The following ACSM2B variants were observed in gnomAD, a reference collection of about 807,000 sequenced individuals.
The protein encoded by ACSM2B is acyl-coenzyme A synthetase ACSM2B, mitochondrial.
ACSM2B carries 58 observed loss-of-function variants against 78.6 expected under a neutral mutation model. The ratio of observed to expected loss-of-function variants is 0.74; its 90% CI spans 0.60 to 0.92. The LOEUF is 0.92. ACSM2B is among the 40% of genes least tolerant of loss of function. ACSM2B has a pLI of 0.00. For synonymous variants in ACSM2B, 257 were observed against 256.8 expected, an observed-to-expected ratio of 1.00 and a Z score of -0.01; for missense variants, 688 against 711.2, an observed-to-expected ratio of 0.97 and a Z score of 0.37.
In ACSM2B at chr16:20,545,273, A is replaced by G; in HGVS notation, c.1180-15T>C. Reference sequence around the variant, plus strand: ...TCATCTATAACCTGGAGAAAGAAGCATATTGGAAGAATGACGCACACAGCA... The same window carrying G: ...TCATCTATAACCTGGAGAAAGAAGCGTATTGGAAGAATGACGCACACAGCA... On this transcript the variant is annotated splice_polypyrimidine_tract_variant and intron_variant, in intron 9 of 13. Coordinates refer to ENST00000329697, the MANE Select transcript of ACSM2B (RefSeq NM_001105069.2). The G allele has an allele frequency of 1.2e-6, 2 of 1,611,016 alleles. No homozygotes were observed. The highest frequency in any genetic ancestry group is 1.7e-6 in the Non-Finnish European group (2 of 1,177,924).
chr16:20,559,135 C>G, intron 3 of ACSM2B, 102 bp downstream of exon 3: 1 of 1,484,544 alleles, frequency 6.7e-7, no homozygotes, highest in Non-Finnish European at 9.0e-7. Context: ...GGACAGCATG[C>G]TCCAAGGCAG....
rs773369239 is a variant in ACSM2B, at chr16:20,548,193, A to C, written c.975-8T>G. On this transcript the variant is annotated splice_region_variant and splice_polypyrimidine_tract_variant and intron_variant, in intron 7 of 13. Transcript: ENST00000329697. ...AGATGGGGGAACTTGTAACTGAAGA[A>C]GAGAAATAAATGTTTGCCCTCAGCC... The C allele has an allele frequency of 6.8e-6, 11 of 1,614,060 alleles. No individual in the cohort carries two copies. Among genetic ancestry groups the C allele is most frequent in the South Asian group, 6.6e-5 (6 of 91,084 alleles).
intron 2 of ACSM2B, among the ~76,000 whole-genome samples, chr16:20,561,786 C>T (rs1596728456): frequency 6.6e-6 from 1 of 151,616 alleles, no homozygotes. Flanking sequence ...CATATGTATA[C>T]ATGTGCCATG....
intron 2 of ACSM2B, among the ~76,000 whole-genome samples, chr16:20,564,204 C>T (rs527806205): frequency 2.8e-4 from 42 of 152,056 alleles, no homozygotes; most frequent in Admixed American, 1.4e-3. Context: ...AGCAATCTTG[C>T]CACCTCAATC....
rs1567218323 is a variant in ACSM2B, at chr16:20,566,691, A to AG, written c.-8-1839_-8-1838insC. On this transcript the variant is annotated intron_variant, in intron 1 of 13. Transcript: ENST00000329697. ...ATAGTATATACATATAGTATATACT[A>AG]TATATAGTATATATATAGTATATAT... Among the ~76,000 whole-genome samples the AG allele has an allele frequency of 5.9e-3, 22 of 3,732 alleles. 1 individual carries two copies. Among genetic ancestry groups the AG allele is most frequent in the African/African-American group, 0.014 (22 of 1,572 alleles). 2.4% of individuals were successfully genotyped at this position (3,732 alleles called of 152,430 possible). A position where few individuals can be genotyped will look rare whatever the true frequency, so the allele number is the denominator to read the frequency against.
At chr16:20,537,828 C>T (rs1050189848) in intron 13 of ACSM2B, among the ~76,000 whole-genome samples, 1 of 152,172 alleles carries the variant, frequency 6.6e-6, no homozygotes, top group Non-Finnish European at 1.5e-5. Flanking sequence ...AAAATAATAG[C>T]TGTGGTTATT....
intron 9 of ACSM2B, 95 bp downstream of exon 9, chr16:20,546,299 T>C: frequency 1.3e-6 from 2 of 1,494,368 alleles, no homozygotes; most frequent in South Asian, 3.0e-5. Flanking sequence ...ATCAGTACTT[T>C]CTATTATTTT....
chr16:20,555,530 G>C, intron 3 of ACSM2B, 54 bp from the exon 4 acceptor site: 2 of 1,605,418 alleles, frequency 1.2e-6, no homozygotes, highest in South Asian at 2.2e-5. Context: ...TTTGTCCCTA[G>C]AGAAGCCTGA....
intron 2 of ACSM2B, among the ~76,000 whole-genome samples, chr16:20,561,285 T>C (rs1567215224): frequency 6.6e-6 from 1 of 151,608 alleles, no homozygotes; most frequent in East Asian, 1.9e-4. Context: ...AAGAAAAAAG[T>C]TTAATTGGCT....
intron 6 of ACSM2B, 35 bp from the exon 7 acceptor site, chr16:20,548,508 C>T (rs527652870): frequency 3.7e-6 from 6 of 1,613,226 alleles, no homozygotes; most frequent in Non-Finnish European, 5.1e-6. Flanking sequence ...CATTGGTCAC[C>T]AGGTCAAATG....
rs192711647 is a variant in ACSM2B, at chr16:20,552,351, C to T, written c.741-54G>A. On this transcript the variant is annotated intron_variant, in intron 5 of 13. Transcript: ENST00000329697. Reference sequence around the variant, plus strand: ...TATAGGTGGGTGCATGCTTAGGATGCGTGGGACACTAAGGTGTAGGGGAGG... The same window carrying T: ...TATAGGTGGGTGCATGCTTAGGATGTGTGGGACACTAAGGTGTAGGGGAGG... The T allele has an allele frequency of 3.5e-4, 548 of 1,565,388 alleles. 2 individuals are homozygous for T. In the African/African-American group the frequency reaches 6.4e-3, roughly 18 times the overall value.
intron 12 of ACSM2B, chr16:20,541,987 T>A (rs1170024717): frequency 1.3e-5 from 2 of 152,234 alleles, no homozygotes; most frequent in Non-Finnish European, 2.9e-5. Flanking sequence ...TCATAATATT[T>A]GTACATATGT....
Position 20,548,203 on chromosome 16 carries a change from A to G in ACSM2B, c.975-18T>C, listed in dbSNP as rs774605190. On this transcript the variant is annotated intron_variant, in intron 7 of 13. Transcript: ENST00000329697. ...ACTTGTAACTGAAGAAGAGAAATAA[A>G]TGTTTGCCCTCAGCCTCCCTGGAAC... The G allele has an allele frequency of 9.3e-6, 15 of 1,613,912 alleles. No individual in the cohort carries two copies. Among genetic ancestry groups the G allele is most frequent in the East Asian group, 2.2e-5 (1 of 44,876 alleles).
At chr16:20,552,055 T>C (rs1052170153) in intron 6 of ACSM2B, 89 bp downstream of exon 6, 1 of 1,521,084 alleles carries the variant, frequency 6.6e-7, no homozygotes, top group African/African-American at 1.4e-5. Flanking sequence ...TAGCAAAAAT[T>C]AGATGAATTG....
At chr16:20,544,700 A>G (rs2015086149) in intron 10 of ACSM2B, 1 of 985,482 alleles carries the variant, frequency 1.0e-6, no homozygotes, top group African/African-American at 1.7e-5. Context: ...TTCAAGGATT[A>G]TCTGTCTTTA....
intron 10 of ACSM2B, chr16:20,544,494 C>T (rs1453430594): frequency 3.7e-6 from 3 of 813,252 alleles, no homozygotes; most frequent in Non-Finnish European, 4.5e-6. Context: ...ATGCTTGCCT[C>T]ATGGTATGCA....
intron 3 of ACSM2B, among the ~76,000 whole-genome samples, chr16:20,558,007 C>T (rs542736827): frequency 3.9e-5 from 6 of 152,210 alleles, no homozygotes; most frequent in Admixed American, 2.0e-4. Context: ...TAACTGTGTC[C>T]GTGCTTGGAG....
At chr16:20,562,183 T>A (rs1366856211) in intron 2 of ACSM2B, among the ~76,000 whole-genome samples, 1 of 152,076 alleles carries the variant, frequency 6.6e-6, no homozygotes, top group Non-Finnish European at 1.5e-5. Context: ...TTTAATTTTT[T>A]GAGAAAATGT....
intron 13 of ACSM2B, 126 bp downstream of exon 13, chr16:20,540,528 C>G: frequency 6.8e-7 from 1 of 1,479,032 alleles, no homozygotes; most frequent in South Asian, 1.3e-5. Context: ...CAGGTGTCAG[C>G]CACCATGTCC....
Sources: allele counts gnomAD v4.1 joint callset (sites outside exome capture counted in the v4.1 genomes callset), GRCh38; gene constraint gnomAD v4.1.1; transcripts MANE v1.5; gene names NCBI Gene and HGNC (gene_info 2026-07-23, HGNC 2026-07-21).